MRPL9: variants seen among roughly 807,000 people sequenced by gnomAD.
The protein encoded by MRPL9 is large ribosomal subunit protein bL9m.
A neutral mutation model predicts 27.6 loss-of-function variants in MRPL9; 25 were observed. The ratio of observed to expected loss-of-function variants is 0.91; its 90% CI spans 0.66 to 1.27. MRPL9 has a LOEUF of 1.27. Ranked by LOEUF, MRPL9 falls within the 50% of genes most tolerant of loss-of-function variation. MRPL9 has a pLI of 0.00. For missense variants in MRPL9, 362 were observed against 338.0 expected (o/e 1.07, Z -0.56); for synonymous variants, 154 against 139.0 (o/e 1.11, Z -0.76).
chr1:151,762,033 G>GA, intron 4 of MRPL9, 72 bp downstream of exon 4: 1 of 1,469,002 alleles, frequency 6.8e-7, no homozygotes, highest in African/African-American at 1.4e-5. Flanking sequence ...GACCTCAAGG[G>GA]AATCAGGGAG....
At position 151,760,814 on chromosome 1, in the gene MRPL9, A is replaced by C; in HGVS notation, c.672+2T>G. On this transcript the variant is annotated splice_donor_variant, in intron 6 of 6. Coordinates refer to ENST00000368830, the MANE Select transcript of MRPL9 (RefSeq NM_031420.4). LOFTEE classifies it high-confidence loss of function. ...AAAAAAGAAAGTATGCAAAACACTC[A>C]CCGTCACCTCACACCAATACTCGCC... 1 of 1,570,800 alleles carries C rather than the reference A, an allele frequency of 6.4e-7. No individual in the cohort carries two copies. Among genetic ancestry groups the C allele is most frequent in the East Asian group, 2.3e-5 (1 of 43,902 alleles).
At chr1:151,760,681 G>A (rs1343967271) in intron 6 of MRPL9, 135 bp downstream of exon 6, 8 of 719,228 alleles carry the variant, frequency 1.1e-5, no homozygotes, top group Non-Finnish European at 1.7e-5. Flanking sequence ...TGAGGTGGGA[G>A]GATCGCTTGA....
In MRPL9 at chr1:151,762,380, T is replaced by G. The variant is rs1224273031; in HGVS notation, c.431A>C (p.Lys144Thr). Residue 144 changes from lysine (K) to threonine (T), a missense_variant, in exon 3 of 7, where the codon AAA becomes ACA. Transcript: ENST00000368830. ...PENKKLFEEE[K>T]LLRQEGKLEK... Reference sequence around the variant, plus strand: ...CTGTCCTTCCTTTGAGCTCACCAATTTCTCCTCTTCAAACAGCTTCTTGTT... The same window carrying G: ...CTGTCCTTCCTTTGAGCTCACCAATGTCTCCTCTTCAAACAGCTTCTTGTT... 1 of 1,614,160 alleles carries G rather than the reference T, an allele frequency of 6.2e-7. No homozygotes were observed. The highest frequency in any genetic ancestry group is 2.2e-5 in the East Asian group (1 of 44,878).
In MRPL9 at chr1:151,762,468, T is replaced by C. The variant is rs1648139456; in HGVS notation, c.343A>G (p.Lys115Glu). 1 of 1,614,126 alleles carries C rather than the reference T, an allele frequency of 6.2e-7. No individual in the cohort carries two copies. The change falls in exon 3 of 7, where the codon AAG (lysine) becomes GAG (glutamate). Residue 115 changes from lysine (K) to glutamate (E), a missense_variant. Coordinates refer to ENST00000368830, the MANE Select transcript of MRPL9 (RefSeq NM_031420.4). ...VGVRGDLVSV[K>E]KSLGRNRLLP... Reference sequence around the variant, plus strand: ...AGTCGATTCCGGCCTAAAGATTTCTTCACTGAGACCAGGTCACCCCGGACT... The same window carrying C: ...AGTCGATTCCGGCCTAAAGATTTCTCCACTGAGACCAGGTCACCCCGGACT...
In MRPL9 at chr1:151,763,426, A is replaced by G. The variant is rs755140294; in HGVS notation, c.54T>C (p.Ala18=). 2.0e-5 allele frequency: 32 copies of G among 1,566,090 alleles called. No homozygotes were observed. The Admixed American group carries it at 4.0e-4, about 19-fold the overall frequency. ...GGACGCCTCCCCGAAGCAGCCGTCC[A>G]GCGCCCGCCCGCAGCAGAGCTCTGC... ...APGRALLRAG[A]GRLLRGGVQE... is the part of the protein sequence containing the mutation. The change falls in exon 1 of 7, where the codon GCT becomes GCC. Residue 18 remains alanine (A), a synonymous_variant. Transcript: ENST00000368830.
rs745751382 is a variant in MRPL9 at position 151,761,446 on chromosome 1, C to A, written c.588+5G>T. On this transcript the variant is annotated splice_donor_5th_base_variant and intron_variant, in intron 5 of 6. Transcript: ENST00000368830. ...GTAGAGTGGTTTTTGGGAACACTCA[C>A]TCACATTCTTAAAGAAGTGGCGGGC... 6.2e-7 allele frequency: 1 copy of A among 1,610,342 alleles called. No individual in the cohort carries two copies. Among genetic ancestry groups the A allele is most frequent in the Non-Finnish European group, 8.5e-7 (1 of 1,176,640 alleles).
In MRPL9 at chr1:151,762,492, C is replaced by T; in HGVS notation, c.319G>A (p.Val107Ile). Residue 107 changes from valine to isoleucine, a missense_variant, in exon 3 of 7, where the codon GTC (valine) becomes ATC (isoleucine). Val to Ile is a conservative substitution (Grantham distance 29, BLOSUM62 3). Transcript: ENST00000368830. ...TTCACTGAGACCAGGTCACCCCGGA[C>T]TCCAACATCTGTCAATTAGAACAGA... ...ILTQSVENVG[V>I]RGDLVSVKKS... The T allele has an allele frequency of 1.2e-6, 2 of 1,613,980 alleles. No individual in the cohort carries two copies. Among genetic ancestry groups the T allele is most frequent in the South Asian group, 1.1e-5 (1 of 91,078 alleles).
chr1:151,762,981 G>A lies in MRPL9; in HGVS notation c.310+9C>T. 1 of 1,613,326 alleles carries A rather than the reference G, an allele frequency of 6.2e-7. No individual in the cohort carries two copies. On this transcript the variant is annotated intron_variant, in intron 2 of 6. Transcript: ENST00000368830. ...AGCCTGAGAGGAAGCGCCTCGGCCC[G>A]GGCCTTACTCTCCACCGACTGCGTC... is the stretch of plus-strand genomic sequence containing the variant.
chr1:151,760,721 T>A, intron 6 of MRPL9, 95 bp downstream of exon 6: 1 of 1,136,864 alleles, frequency 8.8e-7, no homozygotes, highest in Non-Finnish European at 1.2e-6. Flanking sequence ...GCCTGGGCAA[T>A]GAAACAAAAC....
Position 151,762,480 on chromosome 1 carries a change from G to A in MRPL9, c.331C>T (p.Leu111=). The stretch of plus-strand genomic sequence containing the variant: ...CCTAAAGATTTCTTCACTGAGACCA[G>A]GTCACCCCGGACTCCAACATCTGTC... ...SVENVGVRGD[L]VSVKKSLGRN... The change falls in exon 3 of 7, where the codon CTG becomes TTG. Residue 111 remains leucine (L), a synonymous_variant. Transcript: ENST00000368830. 1 of 1,614,040 alleles carries A rather than the reference G, an allele frequency of 6.2e-7. No homozygotes were observed. Among genetic ancestry groups the A allele is most frequent in the Non-Finnish European group, 8.5e-7 (1 of 1,179,956 alleles).
chr1:151,761,607 G>T, intron 4 of MRPL9, 55 bp from the exon 5 acceptor site: 1 of 1,373,294 alleles, frequency 7.3e-7, no homozygotes, highest in Non-Finnish European at 1.0e-6. Flanking sequence ...AGGGTCACAG[G>T]GTATGCAAGC....
chr1:151,762,375 C>T lies in MRPL9; in HGVS notation c.435+1G>A. 1.2e-6 allele frequency: 2 copies of T among 1,614,044 alleles called. No homozygotes were observed. Among genetic ancestry groups the T allele is most frequent in the Non-Finnish European group, 1.7e-6 (2 of 1,180,046 alleles). On this transcript the variant is annotated splice_donor_variant, in intron 3 of 6. Transcript: ENST00000368830. LOFTEE classifies it high-confidence loss of function. Reference sequence around the variant, plus strand: ...TCTCTCTGTCCTTCCTTTGAGCTCACCAATTTCTCCTCTTCAAACAGCTTC... The same window carrying T: ...TCTCTCTGTCCTTCCTTTGAGCTCATCAATTTCTCCTCTTCAAACAGCTTC...
At chr1:151,762,667 T>C in intron 2 of MRPL9, 167 bp from the exon 3 acceptor site, 1 of 721,768 alleles carries the variant, frequency 1.4e-6, no homozygotes, top group Non-Finnish European at 2.2e-6. Context: ...CTAATTAGTT[T>C]CTTTAGAACT....
chr1:151,763,035 G>T lies in MRPL9; in HGVS notation c.265C>A (p.Arg89=). ...ATGAGCTCCAGGTTTTCTTTGGGCC[G>T]ATGCTTCGTGTCCTCCACCAGCTTA... is the stretch of plus-strand genomic sequence containing the variant. ...VYKLVEDTKH[R]PKENLELILT... Residue 89 remains arginine (R), a synonymous_variant, in exon 2 of 7, where the codon CGG becomes AGG. Transcript: ENST00000368830. 1 of 1,614,182 alleles carries T rather than the reference G, an allele frequency of 6.2e-7. No homozygotes were observed. The highest frequency in any genetic ancestry group is 8.5e-7 in the Non-Finnish European group (1 of 1,180,032).
Position 151,763,120 on chromosome 1 carries a change from C to T in MRPL9, c.180G>A (p.Trp60Ter), listed in dbSNP as rs2101545590. The change falls in exon 2 of 7, where the codon TGG becomes TGA. Residue 60 changes from tryptophan (W) to a stop codon, truncating the protein, a stop_gained. Coordinates refer to ENST00000368830, the MANE Select transcript of MRPL9 (RefSeq NM_031420.4). LOFTEE classifies it high-confidence loss of function. ...GGCCCTCCCCGGCCAGCGGTACCTT[C>T]CACCAGCGCTCCACGATGACCGTGC... The part of the protein sequence containing the change: ...NRGTVIVERW[W>*]KVPLAGEGRK... 1 of 1,613,890 alleles carries T rather than the reference C, an allele frequency of 6.2e-7. No homozygotes were observed. Among genetic ancestry groups the T allele is most frequent in the South Asian group, 1.1e-5 (1 of 91,060 alleles).
chr1:151,759,955 G>C lies in MRPL9; in HGVS notation c.*95C>G. On this transcript the variant is annotated 3_prime_UTR_variant, in exon 7 of 7. Coordinates refer to ENST00000368830, the MANE Select transcript of MRPL9 (RefSeq NM_031420.4). The stretch of plus-strand genomic sequence containing the variant: ...GTCTTCAGATGTTCTCTAAAATTCT[G>C]TATTTGGTCAGAGCTGGGAGTGAGA... The C allele has an allele frequency of 6.7e-7, 1 of 1,496,710 alleles. No individual in the cohort carries two copies. Among genetic ancestry groups the C allele is most frequent in the South Asian group, 1.3e-5 (1 of 77,194 alleles). The allele number at this position is 1,496,710 out of a possible 1,614,324, so 92.7% of individuals were successfully genotyped here.
At chr1:151,760,749 G>C (rs1227165308) in intron 6 of MRPL9, 67 bp downstream of exon 6, 3 of 1,396,612 alleles carry the variant, frequency 2.1e-6, no homozygotes, top group African/African-American at 1.5e-5. Context: ...TTAAGAGAAA[G>C]GAAAAAAAGG....
rs955253046 is a variant in MRPL9 at position 151,759,997 on chromosome 1, T to C, written c.*53A>G. 74 of 1,597,750 alleles carry C rather than the reference T, an allele frequency of 4.6e-5. No homozygotes were observed. The highest frequency in any genetic ancestry group is 1.8e-4 in the Admixed American group (10 of 57,128). On this transcript the variant is annotated 3_prime_UTR_variant, in exon 7 of 7. Coordinates refer to ENST00000368830, the MANE Select transcript of MRPL9 (RefSeq NM_031420.4). ...GGAGTGAGATCAGGGTGCTTGCACA[T>C]TTCTGCTCCACTGCTCCCGATTCTG...
At chr1:151,762,262 GTTC>G in intron 3 of MRPL9, 107 bp from the exon 4 acceptor site, 11 of 1,569,974 alleles carry the variant, frequency 7.0e-6, no homozygotes, top group Non-Finnish European at 9.6e-6. Context: ...CTGCATTCCT[GTTC>G]TTCTAGTTCC....
Sources: allele counts gnomAD v4.1 joint callset, GRCh38; gene constraint gnomAD v4.1.1; transcripts MANE v1.5; gene names NCBI Gene and HGNC (gene_info 2026-07-23, HGNC 2026-07-21).